Variants in DOP1A observed in about 807,000 individuals in gnomAD.
DOP1A encodes DOP1 leucine zipper like protein A, also known as protein DOP1A.
DOP1A carries 90 observed loss-of-function variants against 267.6 expected under a neutral mutation model. That is an observed-to-expected ratio of 0.34 (90% CI 0.28 to 0.40). The LOEUF (loss-of-function observed/expected upper bound fraction) is 0.40. Among genes scored for constraint, DOP1A ranks in the 10% least tolerant of loss-of-function variants. DOP1A has a pLI of 1.00. For synonymous variants in DOP1A, 932 were observed against 999.1 expected (o/e 0.93, Z 1.27); for missense variants, 2,437 against 2,900.4 (o/e 0.84, Z 3.67).
At position 83,139,173 on chromosome 6, in the gene DOP1A, AT is replaced by A; in HGVS notation, c.5120+16del. 1 of 1,590,806 alleles carries A rather than the reference AT, an allele frequency of 6.3e-7. No homozygotes were observed. The highest frequency in any genetic ancestry group is 8.6e-7 in the Non-Finnish European group (1 of 1,163,568). On this transcript the variant is annotated intron_variant, in intron 21 of 38. Transcript: ENST00000349129. ...ATTATCTGATAGTAGGTAAGAGGTG[AT>A]TTTTAACTTTATTGGTACTGACATT...
chr6:83,107,560 A>G (rs1196401906), intron 4 of DOP1A, among the ~76,000 whole-genome samples: 1 of 152,214 alleles, frequency 6.6e-6, no homozygotes, highest in Non-Finnish European at 1.5e-5. Context: ...TTGTTTTCTG[A>G]TATTTACAGT....
At chr6:83,159,718 C>A in intron 36 of DOP1A, 78 bp from the exon 37 acceptor site, 2 of 1,496,948 alleles carry the variant, frequency 1.3e-6, no homozygotes, top group Non-Finnish European at 1.9e-6. Context: ...AAAATATTAG[C>A]TGGTACTTTT....
chr6:83,165,719 A>G (rs1213721863), intron 38 of DOP1A: 3 of 226,500 alleles, frequency 1.3e-5, no homozygotes, highest in Admixed American at 4.2e-5. Flanking sequence ...AATATGGCAG[A>G]TGAGGCAAAA....
At chr6:83,112,409 C>G (rs573428496) in intron 6 of DOP1A, among the ~76,000 whole-genome samples, 2 of 151,846 alleles carry the variant, frequency 1.3e-5, no homozygotes, top group South Asian at 4.2e-4. Flanking sequence ...TGTGGAGAAA[C>G]AAACTGTCAT....
chr6:83,153,520 C>T lies in DOP1A; in HGVS notation c.6139C>T (p.His2047Tyr), dbSNP rs1207840367. The change falls in exon 31 of 39, where the codon CAT becomes TAT. Residue 2047 changes from histidine (H) to tyrosine (Y), a missense_variant. Physicochemically the swap from His to Tyr is moderately conservative, Grantham distance 83 (BLOSUM62 2). Coordinates refer to ENST00000349129, the MANE Select transcript of DOP1A (RefSeq NM_015018.4). ...ALTLLSEVLA[H>Y]LLDMVFYSDE... Reference sequence around the variant, plus strand: ...TTTTATGTTTTCATAGGTTTTGGCTCATCTTTTGGATATGGTTTTCTATAG... The same window carrying T: ...TTTTATGTTTTCATAGGTTTTGGCTTATCTTTTGGATATGGTTTTCTATAG... The T allele has an allele frequency of 1.9e-6, 3 of 1,597,050 alleles. No individual in the cohort carries two copies. The highest frequency in any genetic ancestry group is 1.7e-6 in the Non-Finnish European group (2 of 1,173,186).
rs1443722698 is a variant in DOP1A at position 83,163,026 on chromosome 6, T to C, written c.7092+107T>C. On this transcript the variant is annotated intron_variant, in intron 38 of 38. Transcript: ENST00000349129. ...AACTGAGAACGTTATCAAGTTGAGCTATTTTGAAAACAAGTCCCCAGTTTT... is the reference window on the plus strand; with the variant it reads ...AACTGAGAACGTTATCAAGTTGAGCCATTTTGAAAACAAGTCCCCAGTTTT... 4.5e-6 allele frequency: 6 copies of C among 1,321,472 alleles called. No individual in the cohort carries two copies. In the South Asian group the frequency reaches 7.1e-5, roughly 16 times the overall value. The allele number at this position is 1,321,472 out of a possible 1,614,324, so 81.9% of individuals were successfully genotyped here. A position where few individuals can be genotyped will look rare whatever the true frequency, so the allele number is the denominator to read the frequency against.
In DOP1A at chr6:83,145,715, G is replaced by T. The variant is rs528763637; in HGVS notation, c.5676+57G>T. 2.6e-6 allele frequency: 4 copies of T among 1,565,990 alleles called. No homozygotes were observed. In the African/African-American group the frequency reaches 5.5e-5, roughly 21 times the overall value. On this transcript the variant is annotated intron_variant, in intron 25 of 38. Coordinates refer to ENST00000349129, the MANE Select transcript of DOP1A (RefSeq NM_015018.4). ...CAATTCTGTTTCAGAAATTATGCTG[G>T]TAAGATTTTTTTTTGTACAATAATG...
intron 1 of DOP1A, among the ~76,000 whole-genome samples, chr6:83,084,544 C>T (rs574219427): frequency 6.6e-6 from 1 of 152,024 alleles, no homozygotes; most frequent in Non-Finnish European, 1.5e-5. Flanking sequence ...TTGACTTCGA[C>T]GTCTGGGAGT....
At chr6:83,125,364 T>C in intron 14 of DOP1A, 136 bp from the exon 15 acceptor site, 7 of 1,012,492 alleles carry the variant, frequency 6.9e-6, no homozygotes, top group Non-Finnish European at 8.5e-6. Context: ...TAATAAAATA[T>C]ACAGTGTTAA....
chr6:83,073,379 C>T (rs1188791875), intron 1 of DOP1A, among the ~76,000 whole-genome samples: 1 of 152,170 alleles, frequency 6.6e-6, no homozygotes, highest in Non-Finnish European at 1.5e-5. Flanking sequence ...TGAGCCACCA[C>T]ACCTGGCCAG....
chr6:83,075,801 A>T (rs917913363), intron 1 of DOP1A, among the ~76,000 whole-genome samples: 1 of 152,208 alleles, frequency 6.6e-6, no homozygotes, highest in African/African-American at 2.4e-5. Flanking sequence ...ATGTGAAAAA[A>T]TGAAGTTGTA....
At chr6:83,109,231 T>C in intron 5 of DOP1A, 151 bp downstream of exon 5, 1 of 677,534 alleles carries the variant, frequency 1.5e-6, no homozygotes, top group Non-Finnish European at 2.4e-6. Flanking sequence ...AACATTATTA[T>C]AGTTTATCTA....
intron 24 of DOP1A, among the ~76,000 whole-genome samples, chr6:83,144,785 G>A (rs567347543): frequency 9.9e-5 from 15 of 152,092 alleles, no homozygotes; most frequent in African/African-American, 3.6e-4. Context: ...AAAGAGTTGA[G>A]CATGGTTGCT....
At chr6:83,155,299 A>C (rs76905930) in intron 33 of DOP1A, among the ~76,000 whole-genome samples, 2 of 137,472 alleles carry the variant, frequency 1.5e-5, no homozygotes, top group African/African-American at 2.8e-5. Context: ...CCAGCTCTAC[A>C]AAAAAAAAAA....
intron 1 of DOP1A, among the ~76,000 whole-genome samples, chr6:83,075,258 C>T (rs576998286): frequency 2.0e-5 from 3 of 152,044 alleles, no homozygotes; most frequent in African/African-American, 7.2e-5. Context: ...GACTGTTTAC[C>T]GTGGGTCAGG....
intron 38 of DOP1A, chr6:83,165,779 C>A (rs376873463): frequency 7.7e-6 from 2 of 261,290 alleles, no homozygotes; most frequent in East Asian, 1.1e-4. Context: ...GTGCAACGTG[C>A]GGCCCAGTGT....
At chr6:83,160,380 G>T (rs553252870) in intron 37 of DOP1A, among the ~76,000 whole-genome samples, 1 of 152,362 alleles carries the variant, frequency 6.6e-6, no homozygotes, top group South Asian at 2.1e-4. Context: ...AGAGGCAGCT[G>T]CAGACATGAT....
intron 4 of DOP1A, among the ~76,000 whole-genome samples, chr6:83,106,128 A>AT (rs1181463546): frequency 1.3e-5 from 2 of 152,248 alleles, no homozygotes; most frequent in Non-Finnish European, 2.9e-5. Flanking sequence ...GTTTAACATA[A>AT]TTAAATACAA....
At chr6:83,164,990 CCT>C (rs558401927) in intron 38 of DOP1A, 75 of 356,082 alleles carry the variant, frequency 2.1e-4, no homozygotes, top group Non-Finnish European at 3.5e-4. Flanking sequence ...AATAAAAGTC[CCT>C]CTCTTAAAGG....
Sources: gnomAD v4.1 joint callset for allele counts (sites outside exome capture counted in the v4.1 genomes callset) on GRCh38, gnomAD v4.1.1 for gene constraint, MANE v1.5 for transcripts, NCBI Gene and HGNC (gene_info 2026-07-23, HGNC 2026-07-21) for gene names.